Variants in LYSMD2 observed in about 807,000 individuals in gnomAD.
LYSMD2 encodes the protein LysM domain containing 2.
A neutral mutation model predicts 17.7 loss-of-function variants in LYSMD2; 6 were observed. The observed-to-expected ratio is 0.34, with a 90% CI of 0.19 to 0.67. The LOEUF (loss-of-function observed/expected upper bound fraction) is 0.67, where lower values mean the gene tolerates loss of function less well. Among genes scored for constraint, LYSMD2 ranks in the 30% least tolerant of loss-of-function variants. LYSMD2 has a pLI of 0.69. For synonymous variants in LYSMD2, 102 were observed against 129.8 expected, an observed-to-expected ratio of 0.79 and a Z score of 1.45; for missense variants, 237 against 286.7, an observed-to-expected ratio of 0.83 and a Z score of 1.25.
At chr15:51,731,713 C>T (rs1224926613) in intron 1 of LYSMD2, among the ~76,000 whole-genome samples, 4 of 152,280 alleles carry the variant, frequency 2.6e-5, no homozygotes, top group Non-Finnish European at 5.9e-5. Context: ...CTCCTTTCCA[C>T]TTTCAGTTTC....
At chr15:51,748,261 C>CAAAAAAAA (rs10556304) in intron 1 of LYSMD2, among the ~76,000 whole-genome samples, 53 of 60,228 alleles carry the variant, frequency 8.8e-4, no homozygotes, top group African/African-American at 3.2e-3. Flanking sequence ...GACTCCGTCT[C>CAAAAAAAA]AAAAAAAAAA....
chr15:51,743,834 T>C (rs987659420), intron 1 of LYSMD2, among the ~76,000 whole-genome samples: 10 of 152,236 alleles, frequency 6.6e-5, no homozygotes, highest in Admixed American at 3.9e-4. Context: ...ATTGTATGTA[T>C]ACCTAAGTAT....
At chr15:51,742,191 C>T (rs2055646322), upstream of LYSMD2, among the ~76,000 whole-genome samples, 2 of 152,032 alleles carry the variant, frequency 1.3e-5, no homozygotes, top group African/African-American at 2.4e-5. Flanking sequence ...AGGCCTGCAC[C>T]GCCATGCCCA....
Position 51,723,302 on chromosome 15 carries a change from A to C in LYSMD2, c.*305T>G, listed in dbSNP as rs1239652259. 1 of 268,570 alleles carries C rather than the reference A, an allele frequency of 3.7e-6. No homozygotes were observed. The highest frequency in any genetic ancestry group is 8.9e-5 in the East Asian group (1 of 11,278). The allele number at this position is 268,570 out of a possible 1,614,324, so 16.6% of individuals were successfully genotyped here. On this transcript the variant is annotated 3_prime_UTR_variant, in exon 3 of 3. Coordinates refer to ENST00000267838, the MANE Select transcript of LYSMD2 (RefSeq NM_153374.3). ...ACATTATTTTTAGCCTAAATATATA[A>C]ATAATCTTTGATGCTTTATGTCAAT... is the stretch of plus-strand genomic sequence containing the variant.
chr15:51,738,033 C>T (rs1187536243), upstream of LYSMD2: 1 of 155,180 alleles, frequency 6.4e-6, no homozygotes, highest in African/African-American at 2.4e-5. Flanking sequence ...CTGCCCTGGC[C>T]ACGGCGAAAA....
Position 51,724,974 on chromosome 15 carries a change from T to C in LYSMD2, c.421A>G (p.Asn141Asp), listed in dbSNP as rs778118081. The change falls in exon 2 of 3, where the codon AAC becomes GAC. Residue 141 changes from asparagine to aspartate, a missense_variant. Transcript: ENST00000267838. ...IDSPENETADNSFSQEEEPVV... is the reference protein window; with the variant it reads ...IDSPENETADDSFSQEEEPVV... ...GGCTCCTCTTCCTGAGAAAAACTGT[T>C]ATCAGCAGTTTCATTTTCTGGAGAA... 3 of 1,614,172 alleles carry C rather than the reference T, an allele frequency of 1.9e-6. No individual in the cohort carries two copies. The highest frequency in any genetic ancestry group is 2.5e-6 in the Non-Finnish European group (3 of 1,180,008).
At chr15:51,737,711 A>C (rs1413050864), upstream of LYSMD2, 7 of 959,322 alleles carry the variant, frequency 7.3e-6, no homozygotes, top group South Asian at 5.3e-5. This position sits in a 1 kb window ranked among gnomAD's most constrained non-coding sequence, Gnocchi z 4.2. Context: ...CTTCCTCTTC[A>C]CAGGGGCTGC....
At chr15:51,742,479 T>C (rs2055647677), upstream of LYSMD2, among the ~76,000 whole-genome samples, 1 of 152,242 alleles carries the variant, frequency 6.6e-6, no homozygotes, top group Admixed American at 6.5e-5. Flanking sequence ...TTACTTAACA[T>C]AATGTTTTCA....
chr15:51,735,157 G>C (rs531948930), intron 1 of LYSMD2, among the ~76,000 whole-genome samples: 2 of 150,864 alleles, frequency 1.3e-5, no homozygotes, highest in African/African-American at 4.9e-5. Context: ...CTGGGTAACA[G>C]AGTGAGACCC....
rs2055516152 is a variant in LYSMD2, at chr15:51,723,511, A to G, written c.*96T>C. ...GTTATGATTTTAAGATGGACACTAT[A>G]GGAATCCAGAAGGGATGTTTTTGAA... On this transcript the variant is annotated 3_prime_UTR_variant, in exon 3 of 3. Transcript: ENST00000267838. 1 of 980,340 alleles carries G rather than the reference A, an allele frequency of 1.0e-6. No individual in the cohort carries two copies. Among genetic ancestry groups the G allele is most frequent in the African/African-American group, 1.6e-5 (1 of 62,116 alleles). 60.7% of individuals were successfully genotyped at this position (980,340 alleles called of 1,614,324 possible).
At chr15:51,736,821 G>A (rs2055612138) in intron 1 of LYSMD2, among the ~76,000 whole-genome samples, 1 of 152,138 alleles carries the variant, frequency 6.6e-6, no homozygotes, top group South Asian at 2.1e-4. Context: ...GAGCCCAGAG[G>A]GTGTAATTTC....
chr15:51,743,270 C>T (rs1452222302), intron 1 of LYSMD2, among the ~76,000 whole-genome samples: 1 of 152,114 alleles, frequency 6.6e-6, no homozygotes, highest in East Asian at 1.9e-4. Flanking sequence ...ACCACTGCAC[C>T]CAGTGGGCTG....
Position 51,737,396 on chromosome 15 carries a change from C to G in LYSMD2, c.227G>C (p.Arg76Pro). Residue 76 changes from arginine to proline, a missense_variant, in exon 1 of 3, where the codon CGC becomes CCC. Transcript: ENST00000267838. This position sits in a 1 kb window ranked among gnomAD's most constrained non-coding sequence, Gnocchi z 4.2. Reference protein sequence around the residue: ...VIERHVEHRVRAGDTLQGIAL... With the variant: ...VIERHVEHRVPAGDTLQGIAL... ...GATGCCCTGCAGCGTGTCGCCCGCG[C>G]GGACCCGGTGCTCCACATGGCGCTC... 1.4e-6 allele frequency: 2 copies of G among 1,457,534 alleles called. No individual in the cohort carries two copies. Among genetic ancestry groups the G allele is most frequent in the Non-Finnish European group, 1.8e-6 (2 of 1,110,362 alleles). 90.3% of individuals were successfully genotyped at this position (1,457,534 alleles called of 1,614,324 possible). A position where few individuals can be genotyped will look rare whatever the true frequency, so the allele number is the denominator to read the frequency against.
intron 1 of LYSMD2, among the ~76,000 whole-genome samples, chr15:51,729,223 G>T (rs1567227705): frequency 1.3e-5 from 2 of 152,166 alleles, no homozygotes; most frequent in African/African-American, 4.8e-5. Flanking sequence ...TTCCAACCAG[G>T]CAGGGCCTTG....
chr15:51,725,279 A>G (rs1297077231), intron 1 of LYSMD2, among the ~76,000 whole-genome samples, 158 bp from the exon 2 acceptor site: 1 of 152,210 alleles, frequency 6.6e-6, no homozygotes, highest in African/African-American at 2.4e-5. Flanking sequence ...CTCCCCAGAT[A>G]TCTCTAGTTA....
intron 1 of LYSMD2, among the ~76,000 whole-genome samples, chr15:51,725,934 A>G (rs1349921437): frequency 6.6e-6 from 1 of 152,184 alleles, no homozygotes; most frequent in Admixed American, 6.5e-5. Context: ...TCCGTACAAC[A>G]TCTGAATTAA....
At chr15:51,728,801 C>T (rs1054600512) in intron 1 of LYSMD2, among the ~76,000 whole-genome samples, 4 of 151,362 alleles carry the variant, frequency 2.6e-5, no homozygotes, top group Non-Finnish European at 5.9e-5. Context: ...ACCTGGGAGG[C>T]AGAGGTTGCA....
chr15:51,724,357 G>C (rs1443089561), intron 2 of LYSMD2, among the ~76,000 whole-genome samples: 1 of 152,190 alleles, frequency 6.6e-6, no homozygotes, highest in African/African-American at 2.4e-5. Context: ...TATTTTACAA[G>C]TATTTTCTAT....
chr15:51,724,591 A>C (rs2141590305), intron 2 of LYSMD2, among the ~76,000 whole-genome samples, 199 bp downstream of exon 2: 1 of 152,234 alleles, frequency 6.6e-6, no homozygotes, highest in East Asian at 1.9e-4. Context: ...GCAGTTTTTA[A>C]AGCAAAAAAA....
Sources: allele counts gnomAD v4.1 joint callset (sites outside exome capture counted in the v4.1 genomes callset), GRCh38; gene constraint gnomAD v4.1.1; non-coding constraint Gnocchi (gnomAD v3.1); transcripts MANE v1.5; gene names NCBI Gene and HGNC (gene_info 2026-07-23, HGNC 2026-07-21).